The following CFAP299 variants were observed in gnomAD, a reference collection of about 807,000 sequenced individuals.
CFAP299 encodes the protein cilia- and flagella-associated protein 299.
CFAP299 carries 21 observed loss-of-function variants against 27.0 expected under a neutral mutation model. The ratio of observed to expected loss-of-function variants is 0.78; its 90% CI spans 0.55 to 1.12. The LOEUF (loss-of-function observed/expected upper bound fraction) is 1.12, where lower values mean the gene tolerates loss of function less well. CFAP299 is among the 50% of genes most tolerant of loss of function. The pLI is 0.00. For missense variants in CFAP299, 310 were observed against 276.6 expected, an observed-to-expected ratio of 1.12 and a Z score of -0.86; for synonymous variants, 104 against 98.1, an observed-to-expected ratio of 1.06 and a Z score of -0.36.
At chr4:80,930,747 C>G (rs1179487862) in intron 4 of CFAP299, among the ~76,000 whole-genome samples, 2 of 152,118 alleles carry the variant, frequency 1.3e-5, no homozygotes, top group African/African-American at 4.8e-5. Flanking sequence ...GCTGGCCACT[C>G]CTTTTCCAGC....
At chr4:80,530,015 G>A (rs1733389709) in intron 2 of CFAP299, among the ~76,000 whole-genome samples, 1 of 152,058 alleles carries the variant, frequency 6.6e-6, no homozygotes, top group Non-Finnish European at 1.5e-5. Flanking sequence ...AGATGAAATT[G>A]TATAAATTAA....
At chr4:80,833,034 T>G (rs1174277703) in intron 3 of CFAP299, among the ~76,000 whole-genome samples, 2 of 152,122 alleles carry the variant, frequency 1.3e-5, no homozygotes, top group African/African-American at 4.8e-5. Context: ...TATTAATAAC[T>G]GAAAGTATTA....
chr4:80,840,661 A>C (rs1730816646), intron 3 of CFAP299, among the ~76,000 whole-genome samples: 1 of 152,130 alleles, frequency 6.6e-6, no homozygotes, highest in African/African-American at 2.4e-5. Flanking sequence ...AGCATGATAC[A>C]TAAGAGTTTT....
intron 3 of CFAP299, among the ~76,000 whole-genome samples, chr4:80,605,587 G>A (rs1269640245): frequency 1.3e-5 from 2 of 152,128 alleles, no homozygotes; most frequent in African/African-American, 4.8e-5. Context: ...TTTGCTTGTG[G>A]TATTTCATTC....
intron 2 of CFAP299, among the ~76,000 whole-genome samples, chr4:80,510,906 G>A (rs112765114): frequency 6.6e-6 from 1 of 152,248 alleles, no homozygotes; most frequent in South Asian, 2.1e-4. Context: ...TAGAAAAATG[G>A]ATATTCAGTA....
intron 3 of CFAP299, among the ~76,000 whole-genome samples, chr4:80,758,365 C>T (rs1331399776): frequency 6.6e-6 from 1 of 152,162 alleles, no homozygotes; most frequent in Admixed American, 6.5e-5. Flanking sequence ...CTGCTTCTCT[C>T]CAATGGCCAG....
chr4:80,572,600 C>A (rs1334674292), intron 2 of CFAP299, among the ~76,000 whole-genome samples: 2 of 141,968 alleles, frequency 1.4e-5, no homozygotes, highest in African/African-American at 2.6e-5. Flanking sequence ...TCACTGCAAC[C>A]TCCGCCTCCC....
intron 3 of CFAP299, among the ~76,000 whole-genome samples, chr4:80,638,298 G>C (rs114069114): frequency 5.3e-5 from 8 of 152,096 alleles, no homozygotes; most frequent in African/African-American, 1.9e-4. Context: ...TTATGCCAAC[G>C]GGCTCCAATT....
chr4:80,803,696 A>G (rs1306482783), intron 3 of CFAP299, among the ~76,000 whole-genome samples: 1 of 149,772 alleles, frequency 6.7e-6, no homozygotes, highest in Non-Finnish European at 1.5e-5. Flanking sequence ...TATTTAATAT[A>G]CAGAATATAC....
intron 2 of CFAP299, among the ~76,000 whole-genome samples, chr4:80,560,595 T>C (rs1029513769): frequency 1.3e-5 from 2 of 151,618 alleles, no homozygotes; most frequent in African/African-American, 2.4e-5. Flanking sequence ...CCCTGAAAGG[T>C]GAGTCTCAAG....
chr4:80,395,672 TA>T (rs1388085037), intron 2 of CFAP299, among the ~76,000 whole-genome samples: 1 of 152,146 alleles, frequency 6.6e-6, no homozygotes, highest in East Asian at 1.9e-4. Flanking sequence ...AGTTATTAGA[TA>T]AAAGATCTGA....
intron 2 of CFAP299, chr4:80,386,574 G>T (rs1253822244): frequency 1.3e-6 from 2 of 1,597,486 alleles, no homozygotes; most frequent in Non-Finnish European, 1.7e-6. Context: ...AGACGACAGC[G>T]GTGATCTTTG....
intron 3 of CFAP299, among the ~76,000 whole-genome samples, chr4:80,584,803 G>A (rs7674255): frequency 0.3 from 45,609 of 151,786 alleles, 10,380 homozygotes; most frequent in African/African-American, 0.63. Context: ...CGTTAAACAG[G>A]TAGTGATAAG....
intron 3 of CFAP299, among the ~76,000 whole-genome samples, chr4:80,767,296 A>G (rs1350894438): frequency 1.3e-5 from 2 of 152,166 alleles, no homozygotes; most frequent in Admixed American, 6.5e-5. Context: ...TATGAATACA[A>G]TCTCTCTTTC....
At chr4:80,425,883 T>C (rs1256605649) in intron 2 of CFAP299, among the ~76,000 whole-genome samples, 1 of 152,214 alleles carries the variant, frequency 6.6e-6, no homozygotes, top group Non-Finnish European at 1.5e-5. Flanking sequence ...GCAGACTCTT[T>C]GGTTAAAGTG....
At chr4:80,617,790 C>G (rs1738371022) in intron 3 of CFAP299, among the ~76,000 whole-genome samples, 1 of 151,960 alleles carries the variant, frequency 6.6e-6, no homozygotes, top group Non-Finnish European at 1.5e-5. Context: ...CATATTGAAA[C>G]TAGAGGGTAA....
chr4:80,822,307 G>A (rs556829363), intron 3 of CFAP299, among the ~76,000 whole-genome samples: 1 of 152,078 alleles, frequency 6.6e-6, no homozygotes, highest in Non-Finnish European at 1.5e-5. Context: ...TCTTGGAATT[G>A]ACAAGAAAAG....
At chr4:80,640,178 A>G (rs377400186) in intron 3 of CFAP299, among the ~76,000 whole-genome samples, 10 of 152,312 alleles carry the variant, frequency 6.6e-5, no homozygotes, top group African/African-American at 2.4e-4. Context: ...TTCTGAGTTC[A>G]TGTTGCTGGT....
intron 4 of CFAP299, among the ~76,000 whole-genome samples, chr4:80,907,951 G>A (rs372066622): frequency 4.3e-4 from 65 of 152,184 alleles, no homozygotes; most frequent in South Asian, 1.5e-3. Context: ...TCCCTTCTTT[G>A]GATGGAAGAA....
Sources: allele counts gnomAD v4.1 joint callset (sites outside exome capture counted in the v4.1 genomes callset), GRCh38; gene constraint gnomAD v4.1.1; transcripts MANE v1.5; gene names NCBI Gene and HGNC (gene_info 2026-07-23, HGNC 2026-07-21).